Variants in ARSB observed in about 807,000 individuals in gnomAD.
ARSB encodes the protein arylsulfatase B.
A neutral mutation model predicts 50.9 loss-of-function variants in ARSB; 41 were observed. The observed-to-expected ratio is 0.81, with a 90% CI of 0.63 to 1.04. The LOEUF (loss-of-function observed/expected upper bound fraction) is 1.04, where lower values mean the gene tolerates loss of function less well. Ranked by LOEUF, ARSB falls within the 50% of genes least tolerant of loss-of-function variation. The probability of loss-of-function intolerance (pLI) is 0.00; values close to 1 mark genes in which losing one functional copy is unlikely to be tolerated. For missense variants in ARSB, 672 were observed against 693.3 expected (o/e 0.97, Z 0.35); for synonymous variants, 269 against 284.8 (o/e 0.94, Z 0.56).
At chr5:78,786,624 A>C (rs1433421866) in intron 6 of ARSB, among the ~76,000 whole-genome samples, 2 of 152,114 alleles carry the variant, frequency 1.3e-5, no homozygotes, top group Non-Finnish European at 1.5e-5. Context: ...TTACATTCTC[A>C]ATTTTATTCT....
intron 5 of ARSB, among the ~76,000 whole-genome samples, chr5:78,841,156 C>CTAATAATAATAA (rs1491427657): frequency 4.2e-4 from 43 of 102,898 alleles, no homozygotes; most frequent in African/African-American, 1.4e-3. Flanking sequence ...ACTACTACTA[C>CTAATAATAATAA]TACTACTACT....
At chr5:78,977,001 G>A (rs1752697919) in intron 1 of ARSB, among the ~76,000 whole-genome samples, 1 of 152,126 alleles carries the variant, frequency 6.6e-6, no homozygotes, top group Non-Finnish European at 1.5e-5. Flanking sequence ...GCTAGGATAT[G>A]TGCATGGCTG....
intron 1 of ARSB, among the ~76,000 whole-genome samples, chr5:78,974,051 C>T (rs1430597663): frequency 2.6e-5 from 4 of 152,204 alleles, no homozygotes; most frequent in South Asian, 2.1e-4. Flanking sequence ...GCCTGTGCCT[C>T]GGCCAGTACA....
At chr5:78,944,153 A>G (rs1263103279) in intron 4 of ARSB, among the ~76,000 whole-genome samples, 1 of 152,064 alleles carries the variant, frequency 6.6e-6, no homozygotes, top group East Asian at 1.9e-4. Context: ...ACTTCTCTGC[A>G]TTGGTTATTC....
At chr5:78,947,074 A>T (rs980896213) in intron 4 of ARSB, among the ~76,000 whole-genome samples, 4 of 152,234 alleles carry the variant, frequency 2.6e-5, no homozygotes, top group African/African-American at 7.2e-5. Flanking sequence ...CTGGATATCC[A>T]TATGCAGAAG....
chr5:78,908,549 C>T (rs540294878), intron 4 of ARSB, among the ~76,000 whole-genome samples: 8 of 152,220 alleles, frequency 5.3e-5, no homozygotes, highest in Non-Finnish European at 1.2e-4. Flanking sequence ...AACGGGCAGG[C>T]TCTGTGCGGG....
At chr5:78,935,508 G>A (rs939990258) in intron 4 of ARSB, among the ~76,000 whole-genome samples, 5 of 152,134 alleles carry the variant, frequency 3.3e-5, no homozygotes, top group Non-Finnish European at 5.9e-5. Context: ...CAGGTGTGCC[G>A]CTGATGAGTG....
intron 6 of ARSB, among the ~76,000 whole-genome samples, chr5:78,803,581 G>A (rs1281511028): frequency 1.3e-5 from 2 of 152,212 alleles, no homozygotes; most frequent in African/African-American, 4.8e-5. Flanking sequence ...ACTCTTGCAA[G>A]CTTCCATGAG....
chr5:78,825,752 A>AT (rs1361331831), intron 6 of ARSB, among the ~76,000 whole-genome samples: 2 of 152,050 alleles, frequency 1.3e-5, no homozygotes, highest in African/African-American at 4.8e-5. Flanking sequence ...GCACTGAACT[A>AT]TTTTTTTCGA....
At position 78,985,284 on chromosome 5, in the gene ARSB, A is replaced by G; in HGVS notation, c.-36T>C. On this transcript the variant is annotated 5_prime_UTR_variant, in exon 1 of 8. Transcript: ENST00000264914. ...CCGCGGTCCCAGCGCCTGTGGCGCCACCAGCCCCTTGTACCGCTGATAGAA... is the reference window on the plus strand; with the variant it reads ...CCGCGGTCCCAGCGCCTGTGGCGCCGCCAGCCCCTTGTACCGCTGATAGAA... The G allele has an allele frequency of 1.6e-6, 2 of 1,288,200 alleles. No homozygotes were observed. Among genetic ancestry groups the G allele is most frequent in the Non-Finnish European group, 2.0e-6 (2 of 1,022,292 alleles). The allele number at this position is 1,288,200 out of a possible 1,614,324, so 79.8% of individuals were successfully genotyped here.
chr5:78,797,913 G>C (rs546488723), intron 6 of ARSB, among the ~76,000 whole-genome samples: 1 of 152,190 alleles, frequency 6.6e-6, no homozygotes, highest in Non-Finnish European at 1.5e-5. Flanking sequence ...GCAAAGCATA[G>C]GGGAAGGGGC....
At chr5:78,823,098 C>T (rs1394259481) in intron 6 of ARSB, among the ~76,000 whole-genome samples, 1 of 152,146 alleles carries the variant, frequency 6.6e-6, no homozygotes, top group Non-Finnish European at 1.5e-5. Context: ...TAAATTCTAC[C>T]ATTGTCCCTA....
At chr5:78,949,598 AAACTAATTAT>A (rs1278240477) in intron 4 of ARSB, among the ~76,000 whole-genome samples, 1 of 152,234 alleles carries the variant, frequency 6.6e-6, no homozygotes, top group Non-Finnish European at 1.5e-5. Flanking sequence ...AATGTAAGTA[AAACTAATTAT>A]TCTGGTAAGG....
chr5:78,972,516 T>TACCCACACACAC (rs71614002), intron 1 of ARSB, among the ~76,000 whole-genome samples: 2 of 145,598 alleles, frequency 1.4e-5, no homozygotes, highest in South Asian at 2.2e-4. Flanking sequence ...CACGCATACG[T>TACCCACACACAC]ACACACACAC....
intron 2 of ARSB, among the ~76,000 whole-genome samples, chr5:78,968,448 T>C (rs945300766): frequency 6.6e-6 from 1 of 151,822 alleles, no homozygotes; most frequent in African/African-American, 2.4e-5. Flanking sequence ...CCTGGGTTCA[T>C]GCCCATTCTC....
chr5:78,875,330 T>G (rs1469118850), intron 5 of ARSB, among the ~76,000 whole-genome samples: 4 of 152,180 alleles, frequency 2.6e-5, no homozygotes. Context: ...ATGAAAGAAC[T>G]CAAACATAAA....
At chr5:78,803,794 A>G (rs2112649054) in intron 6 of ARSB, among the ~76,000 whole-genome samples, 1 of 152,362 alleles carries the variant, frequency 6.6e-6, no homozygotes, top group East Asian at 1.9e-4. Flanking sequence ...TTTCTTCAAC[A>G]AATATTTACT....
intron 4 of ARSB, among the ~76,000 whole-genome samples, chr5:78,886,503 G>C (rs894146869): frequency 5.3e-5 from 8 of 151,972 alleles, no homozygotes; most frequent in Non-Finnish European, 7.4e-5. Flanking sequence ...ACAATACCAG[G>C]GAAGAGAAGG....
intron 6 of ARSB, among the ~76,000 whole-genome samples, chr5:78,829,684 G>A (rs1744586935): frequency 6.6e-6 from 1 of 152,100 alleles, no homozygotes; most frequent in Non-Finnish European, 1.5e-5. Flanking sequence ...CAACGTCCCA[G>A]AAATGTTTTC....
Sources: gnomAD v4.1 joint callset for allele counts (sites outside exome capture counted in the v4.1 genomes callset) on GRCh38, gnomAD v4.1.1 for gene constraint, MANE v1.5 for transcripts, NCBI Gene and HGNC (gene_info 2026-07-23, HGNC 2026-07-21) for gene names.